The following CDH5 variants were observed in gnomAD, a reference collection of about 807,000 sequenced individuals.
CDH5 encodes cadherin 5.
Under a neutral mutation model 62.0 loss-of-function variants are expected in CDH5, and 28 were observed. The ratio of observed to expected loss-of-function variants is 0.45; its 90% CI spans 0.33 to 0.62. The LOEUF is 0.62. CDH5 is among the 20% of genes least tolerant of loss of function. The pLI is 0.02. For missense variants in CDH5, 940 were observed against 1,065.1 expected, an observed-to-expected ratio of 0.88 and a Z score of 1.63; for synonymous variants, 464 against 445.8, an observed-to-expected ratio of 1.04 and a Z score of -0.52.
chr16:66,370,977 G>C (rs1960677114), intron 1 of CDH5, among the ~76,000 whole-genome samples: 1 of 152,126 alleles, frequency 6.6e-6, no homozygotes, highest in Non-Finnish European at 1.5e-5. Flanking sequence ...AGCAGGGAGT[G>C]GGGAGGCTGT....
At chr16:66,380,913 G>T (rs1244463487) in intron 2 of CDH5, among the ~76,000 whole-genome samples, 1 of 152,006 alleles carries the variant, frequency 6.6e-6, no homozygotes, top group African/African-American at 2.4e-5. Context: ...GGAGGTGGTG[G>T]TGAACTCTAT....
In CDH5 at chr16:66,403,211, C is replaced by A; in HGVS notation, c.*42C>A. On this transcript the variant is annotated 3_prime_UTR_variant, in exon 12 of 12. Coordinates refer to ENST00000341529, the MANE Select transcript of CDH5 (RefSeq NM_001795.5). This position sits in a 1 kb window ranked among gnomAD's most constrained non-coding sequence, Gnocchi z 4.3. ...TGGGCCTGGGGACCCAAACCCCCTG[C>A]AGCCCAGGCCAGTCAGACGCCAGGC... The A allele has an allele frequency of 1.3e-6, 2 of 1,548,324 alleles. No homozygotes were observed. The highest frequency in any genetic ancestry group is 1.7e-6 in the Non-Finnish European group (2 of 1,146,628).
At chr16:66,371,437 G>A (rs919370948) in intron 1 of CDH5, among the ~76,000 whole-genome samples, 2 of 152,144 alleles carry the variant, frequency 1.3e-5, no homozygotes, top group African/African-American at 2.4e-5. Flanking sequence ...GAGGCTGCAG[G>A]AGGCTGGGCT....
chr16:66,390,634 C>T, intron 6 of CDH5, 44 bp downstream of exon 6: 2 of 1,574,914 alleles, frequency 1.3e-6, no homozygotes, highest in African/African-American at 1.3e-5. Flanking sequence ...AGGCTTGGGG[C>T]TCTTGGCACC....
chr16:66,394,165 G>C (rs894286678), intron 7 of CDH5, among the ~76,000 whole-genome samples: 5 of 152,122 alleles, frequency 3.3e-5, no homozygotes, highest in African/African-American at 1.2e-4. Context: ...GTTAACAAAG[G>C]TTTGCAACTA....
At chr16:66,393,331 T>C (rs1319241168) in intron 7 of CDH5, among the ~76,000 whole-genome samples, 3 of 152,174 alleles carry the variant, frequency 2.0e-5, no homozygotes, top group Non-Finnish European at 2.9e-5. Flanking sequence ...CATTCTCCTA[T>C]AAAGAAATAG....
intron 2 of CDH5, among the ~76,000 whole-genome samples, 183 bp downstream of exon 2, chr16:66,379,730 G>T (rs1160774664): frequency 6.6e-6 from 1 of 152,178 alleles, no homozygotes; most frequent in East Asian, 1.9e-4. Context: ...AGTAGTGGTG[G>T]TAATGGTAGC....
At chr16:66,400,256 T>C (rs1025132158) in intron 10 of CDH5, among the ~76,000 whole-genome samples, 1 of 152,256 alleles carries the variant, frequency 6.6e-6, no homozygotes, top group Non-Finnish European at 1.5e-5. Context: ...CTATATGTAA[T>C]CATTTTCTCT....
intron 2 of CDH5, 42 bp downstream of exon 2, chr16:66,379,589 G>A (rs776948902): frequency 1.3e-6 from 2 of 1,569,124 alleles, no homozygotes; most frequent in South Asian, 1.1e-5. Flanking sequence ...ATCAGCAGCT[G>A]GCCCATAGTG....
chr16:66,399,674 C>G (rs35952561), intron 10 of CDH5, among the ~76,000 whole-genome samples: 1 of 152,258 alleles, frequency 6.6e-6, no homozygotes, highest in African/African-American at 2.4e-5. Context: ...CACCTCAGTC[C>G]CATCTCAGAG....
At chr16:66,401,124 C>A in intron 11 of CDH5, 108 bp downstream of exon 11, 1 of 1,415,762 alleles carries the variant, frequency 7.1e-7, no homozygotes, top group Non-Finnish European at 9.8e-7. Flanking sequence ...GGTTCAGGCC[C>A]AACCCTGCCT....
Position 66,387,017 on chromosome 16 carries a change from A to T in CDH5, c.419A>T (p.Lys140Ile). The stretch of plus-strand genomic sequence containing the variant: ...GAGACTCCTTCCAGCTTCACCATCA[A>T]AGTTCATGACGTGAACGACAACTGG... ...NLETPSSFTI[K>I]VHDVNDNWPV... The change falls in exon 3 of 12, where the codon AAA becomes ATA. Residue 140 changes from lysine (K) to isoleucine (I), a missense_variant. Physicochemically the swap from Lys to Ile is moderately radical, Grantham distance 102. Coordinates refer to ENST00000341529, the MANE Select transcript of CDH5 (RefSeq NM_001795.5). 1.2e-6 allele frequency: 2 copies of T among 1,614,120 alleles called. No individual in the cohort carries two copies. Among genetic ancestry groups the T allele is most frequent in the Non-Finnish European group, 1.7e-6 (2 of 1,180,020 alleles).
At chr16:66,384,078 CT>C (rs35435487) in intron 2 of CDH5, among the ~76,000 whole-genome samples, 1,476 of 71,340 alleles carry the variant, frequency 0.021, 1 homozygote, top group Non-Finnish European at 0.027. Context: ...GGAGTCCAGC[CT>C]TTTTTTTTTT....
intron 2 of CDH5, among the ~76,000 whole-genome samples, chr16:66,383,306 G>A (rs1314366944): frequency 1.3e-5 from 2 of 152,096 alleles, no homozygotes; most frequent in Non-Finnish European, 2.9e-5. Flanking sequence ...TATAACAAAT[G>A]CACCACATTC....
At chr16:66,370,474 G>C (rs563273581) in intron 1 of CDH5, among the ~76,000 whole-genome samples, 1 of 152,174 alleles carries the variant, frequency 6.6e-6, no homozygotes, top group African/African-American at 2.4e-5. Context: ...ACCACCCTAC[G>C]TGTTGTCTGA....
intron 7 of CDH5, among the ~76,000 whole-genome samples, chr16:66,393,263 C>T (rs1012404411): frequency 1.3e-5 from 2 of 152,200 alleles, no homozygotes; most frequent in Admixed American, 6.5e-5. Flanking sequence ...AATTCTCTGT[C>T]CTATCCATCA....
intron 2 of CDH5, among the ~76,000 whole-genome samples, chr16:66,381,114 T>C (rs1960890767): frequency 6.6e-6 from 1 of 152,182 alleles, no homozygotes; most frequent in Non-Finnish European, 1.5e-5. Context: ...AAAATTGTGC[T>C]GAAGATGAAG....
In CDH5 at chr16:66,386,703, A is replaced by AAACTTTACAGC. The variant is rs1960989035; in HGVS notation, c.211-106_211-105insAACTTTACAGC. On this transcript the variant is annotated intron_variant, in intron 2 of 11. Transcript: ENST00000341529. ...GACCCTGGCCAGCACCACACACACC[A>AAACTTTACAGC]CATACACACATGCACAGGCACACCT... The AAACTTTACAGC allele has an allele frequency of 5.2e-5, 51 of 984,178 alleles. No homozygotes were observed. In the African/African-American group the frequency reaches 7.0e-4, roughly 13 times the overall value. The allele number at this position is 984,178 out of a possible 1,614,324, so 61.0% of individuals were successfully genotyped here. A position where few individuals can be genotyped will look rare whatever the true frequency, so the allele number is the denominator to read the frequency against.
intron 8 of CDH5, among the ~76,000 whole-genome samples, chr16:66,396,875 A>T (rs2142339408): frequency 6.6e-6 from 1 of 152,280 alleles, no homozygotes; most frequent in African/African-American, 2.4e-5. Flanking sequence ...TGCCGGGCCC[A>T]CCCAGACTCA....
Sources: gnomAD v4.1 joint callset for allele counts (sites outside exome capture counted in the v4.1 genomes callset) on GRCh38, gnomAD v4.1.1 for gene constraint, Gnocchi (gnomAD v3.1) non-coding constraint, MANE v1.5 for transcripts, NCBI Gene and HGNC (gene_info 2026-07-23, HGNC 2026-07-21) for gene names.